Variants in MAP2 observed in about 807,000 individuals in gnomAD.
The protein encoded by MAP2 is microtubule associated protein 2, also known as microtubule-associated protein 2.
Under a neutral mutation model 137.6 loss-of-function variants are expected in MAP2, and 14 were observed. The ratio of observed to expected loss-of-function variants is 0.10; its 90% CI spans 0.07 to 0.16. The LOEUF (loss-of-function observed/expected upper bound fraction) is 0.16, where lower values mean the gene tolerates loss of function less well. Among genes scored for constraint, MAP2 ranks in the 10% least tolerant of loss-of-function variants. The probability of loss-of-function intolerance (pLI) is 1.00; values close to 1 mark genes in which losing one functional copy is unlikely to be tolerated. For synonymous variants in MAP2, 786 were observed against 782.3 expected (o/e 1.00, Z -0.08); for missense variants, 2,088 against 2,191.5 (o/e 0.95, Z 0.94).
At chr2:209,484,574 C>T (rs1035722181) in intron 1 of MAP2, among the ~76,000 whole-genome samples, 2 of 152,120 alleles carry the variant, frequency 1.3e-5, no homozygotes, top group African/African-American at 4.8e-5. Context: ...CCTGTATTCC[C>T]AGCTACTCGG....
chr2:209,530,089 T>C (rs1421047891), intron 2 of MAP2, among the ~76,000 whole-genome samples: 9 of 152,126 alleles, frequency 5.9e-5, no homozygotes. Context: ...CCAGATGCTC[T>C]CTGTATTTTT....
chr2:209,458,139 A>C (rs904966906), intron 1 of MAP2, among the ~76,000 whole-genome samples: 2 of 152,142 alleles, frequency 1.3e-5, no homozygotes, highest in Non-Finnish European at 2.9e-5. Context: ...CATTTAATAA[A>C]GTAGAATCAT....
rs577909763 is a variant in MAP2, at chr2:209,707,884, A to G, written c.4733-2030A>G. 1.3e-3 allele frequency among the ~76,000 whole-genome samples: 200 copies of G among 152,274 alleles called. 1 individual carries two copies. Among genetic ancestry groups the G allele is most frequent in the African/African-American group, 4.6e-3 (190 of 41,574 alleles). On this transcript the variant is annotated intron_variant, in intron 12 of 15. Coordinates refer to ENST00000682079, the MANE Select transcript of MAP2 (RefSeq NM_001375505.1). Reference sequence around the variant, plus strand: ...AAGTTTAGAAAAAATTATTTCATATAGTAAAAATTGTTATTCACATCCAGA... The same window carrying G: ...AAGTTTAGAAAAAATTATTTCATATGGTAAAAATTGTTATTCACATCCAGA...
Position 209,695,211 on chromosome 2 carries a change from A to G in MAP2, c.3041A>G (p.Lys1014Arg), listed in dbSNP as rs1480080956. ...LSIPTDASSE[K>R]AEKGLSSVPE... Reference sequence around the variant, plus strand: ...ATACCAACAGATGCATCCTCTGAGAAAGCAGAGAAGGGTCTTAGTTCAGTG... The same window carrying G: ...ATACCAACAGATGCATCCTCTGAGAGAGCAGAGAAGGGTCTTAGTTCAGTG... Residue 1014 changes from lysine to arginine, a missense_variant, in exon 8 of 16, where the codon AAA becomes AGA. This residue lies in a region of MAP2 where 500 missense variants were observed against 482.9 expected (regional missense o/e 1.04). Coordinates refer to ENST00000682079, the MANE Select transcript of MAP2 (RefSeq NM_001375505.1). The G allele has an allele frequency of 6.2e-7, 1 of 1,614,008 alleles. No individual in the cohort carries two copies. Among genetic ancestry groups the G allele is most frequent in the Non-Finnish European group, 8.5e-7 (1 of 1,180,010 alleles).
At chr2:209,570,416 C>T (rs2074200759) in intron 2 of MAP2, among the ~76,000 whole-genome samples, 1 of 151,842 alleles carries the variant, frequency 6.6e-6, no homozygotes, top group South Asian at 2.1e-4. Context: ...CTAATTAGGC[C>T]TATTTCCTCA....
intron 1 of MAP2, among the ~76,000 whole-genome samples, chr2:209,457,804 A>G (rs1312562759): frequency 2.0e-5 from 3 of 152,190 alleles, no homozygotes; most frequent in African/African-American, 4.8e-5. Flanking sequence ...CTATTAGTGT[A>G]GATACCTGAG....
intron 7 of MAP2, among the ~76,000 whole-genome samples, chr2:209,691,491 A>T (rs1335817105): frequency 6.6e-6 from 1 of 152,108 alleles, no homozygotes; most frequent in Admixed American, 6.6e-5. Flanking sequence ...TTACAACAGG[A>T]CACATAAGTA....
intron 7 of MAP2, among the ~76,000 whole-genome samples, chr2:209,682,246 T>G (rs377458208): frequency 6.6e-6 from 1 of 152,120 alleles, no homozygotes; most frequent in Non-Finnish European, 1.5e-5. Flanking sequence ...ATCCCAGCAC[T>G]TTGGGAGGCC....
rs777251375 is a variant in MAP2 at position 209,642,282 on chromosome 2, G to A, written c.-29-10860G>A. On this transcript the variant is annotated intron_variant, in intron 4 of 15. Coordinates refer to ENST00000682079, the MANE Select transcript of MAP2 (RefSeq NM_001375505.1). ...CCCATCTCTTGGTGGTGGATGGGGG[G>A]GATTAGCTGGCTATAGTGATGTGCA... Among the ~76,000 whole-genome samples the A allele has an allele frequency of 4.6e-5, 7 of 151,578 alleles. No individual in the cohort carries two copies. The Middle Eastern group carries it at 0.01, about 222-fold the overall frequency.
At chr2:209,600,616 TA>T (rs1318162348) in intron 3 of MAP2, among the ~76,000 whole-genome samples, 1 of 152,194 alleles carries the variant, frequency 6.6e-6, no homozygotes, top group African/African-American at 2.4e-5. Context: ...AAGAAAGGAT[TA>T]TTTTTTGTGC....
At chr2:209,600,753 G>A (rs80246281) in intron 3 of MAP2, among the ~76,000 whole-genome samples, 10,606 of 152,218 alleles carry the variant, frequency 0.07, 447 homozygotes, top group Non-Finnish European at 0.097. Context: ...GGGAGTCAGC[G>A]GCCTTGAATT....
At chr2:209,699,202 A>G (rs555935080) in intron 10 of MAP2, among the ~76,000 whole-genome samples, 7 of 152,306 alleles carry the variant, frequency 4.6e-5, no homozygotes, top group Admixed American at 3.3e-4. Flanking sequence ...CTTAAAAACA[A>G]TGAGTCCTAG....
chr2:209,609,922 C>T (rs972267161), intron 3 of MAP2, among the ~76,000 whole-genome samples: 1 of 152,048 alleles, frequency 6.6e-6, no homozygotes, highest in Non-Finnish European at 1.5e-5. Context: ...TCTACTCATT[C>T]TTTCATATGC....
rs112094523 is a variant in MAP2 at position 209,488,229 on chromosome 2, C to T, written c.-221-19363C>T. On this transcript the variant is annotated intron_variant, in intron 1 of 15. Coordinates refer to ENST00000682079, the MANE Select transcript of MAP2 (RefSeq NM_001375505.1). ...CAAGGGAAGCCCTGAGGGACTGTGCCGTGAGAGACGGAGCTATCTGGCCCA... is the reference window on the plus strand; with the variant it reads ...CAAGGGAAGCCCTGAGGGACTGTGCTGTGAGAGACGGAGCTATCTGGCCCA... 4.0e-4 allele frequency among the ~76,000 whole-genome samples: 61 copies of T among 152,266 alleles called. 1 individual carries two copies. The highest frequency in any genetic ancestry group is 1.4e-3 in the African/African-American group (57 of 41,564).
chr2:209,497,927 G>C (rs966162377), intron 1 of MAP2, among the ~76,000 whole-genome samples: 8 of 152,112 alleles, frequency 5.3e-5, no homozygotes, highest in African/African-American at 1.9e-4. Flanking sequence ...CCTGCATCTG[G>C]TCCTTTCCAA....
chr2:209,453,198 C>G (rs1485000234), intron 1 of MAP2, among the ~76,000 whole-genome samples: 1 of 151,906 alleles, frequency 6.6e-6, no homozygotes, highest in Non-Finnish European at 1.5e-5. Flanking sequence ...ATAAGTGTAG[C>G]GATGTTGTTG....
At chr2:209,477,450 T>C (rs1357539829) in intron 1 of MAP2, among the ~76,000 whole-genome samples, 1 of 152,230 alleles carries the variant, frequency 6.6e-6, no homozygotes, top group Non-Finnish European at 1.5e-5. Context: ...TTTTTTTCTT[T>C]CCATTGCTTT....
intron 2 of MAP2, among the ~76,000 whole-genome samples, chr2:209,577,704 G>A (rs1208647489): frequency 1.3e-5 from 2 of 152,058 alleles, no homozygotes; most frequent in African/African-American, 2.4e-5. Flanking sequence ...AGGTGCCTTG[G>A]GAGACCGACT....
chr2:209,653,037 C>G (rs79890966), intron 4 of MAP2, 105 bp from the exon 5 acceptor site: 34 of 776,224 alleles, frequency 4.4e-5, no homozygotes, highest in South Asian at 7.1e-5. Context: ...TTTCTTTGAC[C>G]ATAGAAAGCC....
Sources: allele counts gnomAD v4.1 joint callset (sites outside exome capture counted in the v4.1 genomes callset), GRCh38; gene constraint gnomAD v4.1.1; regional missense constraint gnomAD v4.1.1; transcripts MANE v1.5; gene names NCBI Gene and HGNC (gene_info 2026-07-23, HGNC 2026-07-21).